ATP2A2: variants seen among roughly 807,000 people sequenced by gnomAD.
ATP2A2 encodes sarcoplasmic/endoplasmic reticulum calcium ATPase 2.
ATP2A2 carries 14 observed loss-of-function variants against 109.3 expected under a neutral mutation model. That is an observed-to-expected ratio of 0.13 (90% CI 0.08 to 0.20). The LOEUF is 0.20. Ranked by LOEUF, ATP2A2 falls within the 10% of genes least tolerant of loss-of-function variation. The probability of loss-of-function intolerance (pLI) is 1.00; values close to 1 mark genes in which losing one functional copy is unlikely to be tolerated. For missense variants in ATP2A2, 657 were observed against 1,321.6 expected, an observed-to-expected ratio of 0.50 and a Z score of 7.80; for synonymous variants, 506 against 490.9, an observed-to-expected ratio of 1.03 and a Z score of -0.41.
In ATP2A2 at chr12:110,281,827, T is replaced by C; in HGVS notation, c.38T>C (p.Leu13Pro). ...CACACCAAGACGGTGGAGGAGGTGC[T>C]GGGCCACTTCGGCGTCAACGAGAGT... Reference protein sequence around the residue: ...NAHTKTVEEVLGHFGVNESTG... With the variant: ...NAHTKTVEEVPGHFGVNESTG... Residue 13 changes from leucine (L) to proline (P), a missense_variant, in exon 1 of 20, where the codon CTG becomes CCG. By Grantham distance (98) the Leu-to-Pro change is moderately conservative. Transcript: ENST00000539276. 1 of 1,558,768 alleles carries C rather than the reference T, an allele frequency of 6.4e-7. No individual in the cohort carries two copies. The highest frequency in any genetic ancestry group is 8.7e-7 in the Non-Finnish European group (1 of 1,154,078).
At position 110,300,377 on chromosome 12, in the gene ATP2A2, C is replaced by T. The variant is rs113108151; in HGVS notation, c.463+3640C>T. On this transcript the variant is annotated intron_variant, in intron 5 of 19. Transcript: ENST00000539276. ...TTTTTTTTTTTTTTTTTTTTAAAGA[C>T]GGAATCTTGAACTGTCGCCCAGGCT... 2.2e-3 allele frequency among the ~76,000 whole-genome samples: 236 copies of T among 108,416 alleles called. 2 individuals carry two copies. Among genetic ancestry groups the T allele is most frequent in the African/African-American group, 8.4e-3 (219 of 26,030 alleles). The allele number at this position is 108,416 out of a possible 152,430, so 71.1% of individuals were successfully genotyped here. A position where few individuals can be genotyped will look rare whatever the true frequency, so the allele number is the denominator to read the frequency against.
intron 4 of ATP2A2, among the ~76,000 whole-genome samples, chr12:110,294,509 A>G (rs768291237): frequency 6.6e-6 from 1 of 151,974 alleles, no homozygotes; most frequent in Non-Finnish European, 1.5e-5. Context: ...AAAATACAGA[A>G]AGTTAGCTGG....
intron 1 of ATP2A2, 57 bp from the exon 2 acceptor site, chr12:110,282,547 T>C (rs1415390116): frequency 5.4e-6 from 2 of 368,340 alleles, no homozygotes; most frequent in Non-Finnish European, 8.3e-6. Flanking sequence ...TGTCTCTCTC[T>C]TTTTTTTTTT....
chr12:110,337,681 A>G (rs996833307), intron 11 of ATP2A2, among the ~76,000 whole-genome samples: 1 of 152,246 alleles, frequency 6.6e-6, no homozygotes, highest in Non-Finnish European at 1.5e-5. Context: ...AATGTGTGTC[A>G]GTGGGAGCAA....
chr12:110,318,997 T>C (rs1876956954), intron 5 of ATP2A2, among the ~76,000 whole-genome samples: 1 of 152,190 alleles, frequency 6.6e-6, no homozygotes, highest in African/African-American at 2.4e-5. Context: ...TTTTTTCTCT[T>C]GCATTAATTT....
At chr12:110,311,614 A>AC (rs1876065790) in intron 5 of ATP2A2, among the ~76,000 whole-genome samples, 1 of 135,320 alleles carries the variant, frequency 7.4e-6, no homozygotes, top group African/African-American at 3.0e-5. Context: ...AAAAAAAAAA[A>AC]AAAAAAAACG....
At chr12:110,320,942 G>T (rs1877177519) in intron 5 of ATP2A2, among the ~76,000 whole-genome samples, 1 of 152,226 alleles carries the variant, frequency 6.6e-6, no homozygotes, top group African/African-American at 2.4e-5. Flanking sequence ...AAGAAGTTCA[G>T]TGTTGGCTGG....
intron 4 of ATP2A2, among the ~76,000 whole-genome samples, chr12:110,293,826 ATGTGTGTGTGTGTGTG>A (rs59260681): frequency 2.4e-4 from 26 of 108,564 alleles, no homozygotes; most frequent in South Asian, 6.4e-4. Context: ...TGCCATATAT[ATGTGTGTGTGTGTGTG>A]TGTGTGTGTG....
chr12:110,326,611 C>T (rs1247221792), intron 7 of ATP2A2, 136 bp downstream of exon 7: 2 of 903,364 alleles, frequency 2.2e-6, no homozygotes, highest in African/African-American at 3.3e-5. Context: ...TCTTAGGTGT[C>T]AGAATATGGC....
At chr12:110,319,794 C>T (rs189052369) in intron 5 of ATP2A2, among the ~76,000 whole-genome samples, 1 of 151,854 alleles carries the variant, frequency 6.6e-6, no homozygotes, top group Non-Finnish European at 1.5e-5. Context: ...TGTATATATA[C>T]TAAATATGTA....
chr12:110,339,656 C>T lies in ATP2A2; in HGVS notation c.1696C>T (p.His566Tyr). The change falls in exon 13 of 20, where the codon CAT (histidine) becomes TAT (tyrosine). Residue 566 changes from histidine to tyrosine, a missense_variant. Transcript: ENST00000539276. This position sits in a 1 kb window ranked among gnomAD's most constrained non-coding sequence, Gnocchi z 4.4. ...DTLRCLALAT[H>Y]DNPLRREEMH... ...ACTGCGATGCCTGGCCCTGGCCACTCATGACAACCCACTGAGAAGAGAAGA... is the reference window on the plus strand; with the variant it reads ...ACTGCGATGCCTGGCCCTGGCCACTTATGACAACCCACTGAGAAGAGAAGA... The T allele has an allele frequency of 6.2e-7, 1 of 1,614,210 alleles. No homozygotes were observed. The highest frequency in any genetic ancestry group is 8.5e-7 in the Non-Finnish European group (1 of 1,180,044).
chr12:110,332,671 A>G lies in ATP2A2; in HGVS notation c.1170A>G (p.Ala390=). The change falls in exon 9 of 20, where the codon GCA becomes GCG. Residue 390 remains alanine, a synonymous_variant. Coordinates refer to ENST00000539276, the MANE Select transcript of ATP2A2 (RefSeq NM_170665.4). Reference sequence around the variant, plus strand: ...TTACCATAACTGGATCAACTTATGCACCTATTGGAGAAGTGTGAGTAACCC... The same window carrying G: ...TTACCATAACTGGATCAACTTATGCGCCTATTGGAGAAGTGTGAGTAACCC... ...NEFTITGSTY[A]PIGEVHKDDK... is the part of the protein sequence containing the mutation. 6.2e-7 allele frequency: 1 copy of G among 1,611,724 alleles called. No homozygotes were observed. The highest frequency in any genetic ancestry group is 8.5e-7 in the Non-Finnish European group (1 of 1,177,822).
chr12:110,315,455 T>G (rs748022828), intron 5 of ATP2A2, among the ~76,000 whole-genome samples: 1 of 152,190 alleles, frequency 6.6e-6, no homozygotes, highest in Non-Finnish European at 1.5e-5. Flanking sequence ...CTGTTGTGTA[T>G]GTTAGCTTTT....
chr12:110,301,708 C>T (rs1355366283), intron 5 of ATP2A2, among the ~76,000 whole-genome samples: 1 of 152,140 alleles, frequency 6.6e-6, no homozygotes, highest in East Asian at 1.9e-4. Flanking sequence ...GCTAAAAAAC[C>T]CTTAAGGGAC....
chr12:110,340,823 G>T lies in ATP2A2; in HGVS notation c.1926G>T (p.Gly642=), dbSNP rs1879278895. The T allele has an allele frequency of 1.2e-6, 2 of 1,614,228 alleles. No individual in the cohort carries two copies. Residue 642 remains glycine, a synonymous_variant, in exon 14 of 20, where the codon GGG becomes GGT. Coordinates refer to ENST00000539276, the MANE Select transcript of ATP2A2 (RefSeq NM_170665.4). This position sits in a 1 kb window ranked among gnomAD's most constrained non-coding sequence, Gnocchi z 6.0. ...TCTGTCGCCGCATCGGCATCTTCGG[G>T]CAGGATGAGGACGTGACGTCAAAAG... ...VAICRRIGIF[G]QDEDVTSKAF...
intron 8 of ATP2A2, chr12:110,329,396 A>G (rs1255257527): frequency 6.6e-6 from 1 of 152,622 alleles, no homozygotes; most frequent in African/African-American, 2.4e-5. Flanking sequence ...CTGTGTATTC[A>G]TCATATATAT....
rs121912735 is a variant in ATP2A2, at chr12:110,345,323, C to T, written c.2682C>T (p.Tyr894=). Residue 894 remains tyrosine, a synonymous_variant, in exon 18 of 20, where the codon TAC becomes TAT. Transcript: ENST00000539276. Reference sequence around the variant, plus strand: ...ATTGTGCAATCTTTGAATCCCCATACCCGATGACAATGGCGCTCTCTGTTC... The same window carrying T: ...ATTGTGCAATCTTTGAATCCCCATATCCGATGACAATGGCGCTCTCTGTTC... The part of the protein sequence containing the change: ...GVDCAIFESP[Y]PMTMALSVLV... 2 of 1,614,044 alleles carry T rather than the reference C, an allele frequency of 1.2e-6. No homozygotes were observed. The highest frequency in any genetic ancestry group is 1.7e-5 in the Admixed American group (1 of 59,998).
rs1419751341 is a variant in ATP2A2 at position 110,348,228 on chromosome 12, G to A, written c.*1758G>A. On this transcript the variant is annotated 3_prime_UTR_variant, in exon 20 of 20. Coordinates refer to ENST00000539276, the MANE Select transcript of ATP2A2 (RefSeq NM_170665.4). ...ACTGAACCAGTGAACTCTGGGTATCGATAGGTTCGTCTTAAATAGGCCACT... is the reference window on the plus strand; with the variant it reads ...ACTGAACCAGTGAACTCTGGGTATCAATAGGTTCGTCTTAAATAGGCCACT... 21 of 985,264 alleles carry A rather than the reference G, an allele frequency of 2.1e-5. No homozygotes were observed. The highest frequency in any genetic ancestry group is 5.2e-4 in the Middle Eastern group (1 of 1,936). 61.0% of individuals were successfully genotyped at this position (985,264 alleles called of 1,614,324 possible).
chr12:110,306,098 G>A (rs1875289811), intron 5 of ATP2A2, among the ~76,000 whole-genome samples: 1 of 152,186 alleles, frequency 6.6e-6, no homozygotes, highest in South Asian at 2.1e-4. Flanking sequence ...GAGTGCAGTG[G>A]CACGATCTCT....
Sources: allele counts gnomAD v4.1 joint callset (sites outside exome capture counted in the v4.1 genomes callset), GRCh38; gene constraint gnomAD v4.1.1; non-coding constraint Gnocchi (gnomAD v3.1); transcripts MANE v1.5; gene names NCBI Gene and HGNC (gene_info 2026-07-23, HGNC 2026-07-21).